FBXO8: variants seen among roughly 807,000 people sequenced by gnomAD.
FBXO8 encodes the protein F-box protein 8.
A neutral mutation model predicts 33.4 loss-of-function variants in FBXO8; 15 were observed. The observed-to-expected ratio is 0.45, with a 90% CI of 0.30 to 0.69. FBXO8 has a LOEUF of 0.69. FBXO8 is among the 30% of genes least tolerant of loss of function. The pLI, the probability that FBXO8 is intolerant of heterozygous loss-of-function variation, is 0.08. For missense variants in FBXO8, 274 were observed against 380.3 expected, an observed-to-expected ratio of 0.72 and a Z score of 2.32; for synonymous variants, 132 against 131.5, an observed-to-expected ratio of 1.00 and a Z score of -0.02.
At chr4:174,280,432 T>TA (rs971254645) in intron 1 of FBXO8, among the ~76,000 whole-genome samples, 1 of 151,538 alleles carries the variant, frequency 6.6e-6, no homozygotes, top group Non-Finnish European at 1.5e-5. Context: ...TGGAGCTTCC[T>TA]AAAAAAAAAT....
rs894471616 is a variant in FBXO8 at position 174,274,986 on chromosome 4, T to G, written c.-9+8424A>C. Among the ~76,000 whole-genome samples, 2 of 152,182 alleles carry G rather than the reference T, an allele frequency of 1.3e-5. No individual in the cohort carries two copies. The highest frequency in any genetic ancestry group is 1.3e-4 in the Admixed American group (2 of 15,292). On this transcript the variant is annotated intron_variant, in intron 1 of 5. Coordinates refer to ENST00000393674, the MANE Select transcript of FBXO8 (RefSeq NM_012180.3). The surrounding 1 kb of genome is among the most constrained non-coding windows in gnomAD (Gnocchi z 4.0). ...ATAAAAAATTTTTGCTCTTTGAAAGTCTATATTTGGAAGATGAAAGGAAAG... is the reference window on the plus strand; with the variant it reads ...ATAAAAAATTTTTGCTCTTTGAAAGGCTATATTTGGAAGATGAAAGGAAAG...
At chr4:174,268,485 T>C (rs138747483) in intron 1 of FBXO8, among the ~76,000 whole-genome samples, 1,919 of 152,246 alleles carry the variant, frequency 0.013, 20 homozygotes, top group Middle Eastern at 0.044. Context: ...CAAGCTGGAG[T>C]GCAGTGGCGC....
chr4:174,260,092 C>T (rs936696376), intron 2 of FBXO8, among the ~76,000 whole-genome samples: 1 of 151,944 alleles, frequency 6.6e-6, no homozygotes, highest in African/African-American at 2.4e-5. Flanking sequence ...TAAACATAAA[C>T]TATTCCTAAT....
At position 174,255,044 on chromosome 4, in the gene FBXO8, CA is replaced by C. The variant is rs1283904873; in HGVS notation, c.456+4654del. Among the ~76,000 whole-genome samples the C allele has an allele frequency of 6.6e-6, 1 of 152,062 alleles. No individual in the cohort carries two copies. Among genetic ancestry groups the C allele is most frequent in the Non-Finnish European group, 1.5e-5 (1 of 67,980 alleles). ...CTTGTTAGATAGTCACGATGTACAT[CA>C]AAGTATTAACGGCTTTGAAAAGTTA... On this transcript the variant is annotated intron_variant, in intron 3 of 5. Transcript: ENST00000393674. The surrounding 1 kb of genome is among the most constrained non-coding windows in gnomAD (Gnocchi z 4.3).
Position 174,257,745 on chromosome 4 carries a change from C to A in FBXO8, c.456+1954G>T, listed in dbSNP as rs922079556. Among the ~76,000 whole-genome samples, 3 of 152,040 alleles carry A rather than the reference C, an allele frequency of 2.0e-5. No individual in the cohort carries two copies. The highest frequency in any genetic ancestry group is 7.2e-5 in the African/African-American group (3 of 41,406). ...ACTCTTGACCTCTGGGGCTACATAT[C>A]TTTATTATGATTATGATTATTATCA... On this transcript the variant is annotated intron_variant, in intron 3 of 5. Transcript: ENST00000393674. This position sits in a 1 kb window ranked among gnomAD's most constrained non-coding sequence, Gnocchi z 4.3.
chr4:174,240,278 G>A (rs1481590861), intron 4 of FBXO8, among the ~76,000 whole-genome samples: 3 of 151,638 alleles, frequency 2.0e-5, no homozygotes, highest in East Asian at 3.9e-4. Flanking sequence ...GCTGGACTCT[G>A]AACTTCTCAA....
In FBXO8 at chr4:174,272,311, A is replaced by G. The variant is rs1736855785; in HGVS notation, c.-8-9211T>C. The stretch of plus-strand genomic sequence containing the variant: ...CCTTGTATAAAATGGCATAGTATAC[A>G]TCCTCCTGTATACTTTAAATCATCT... On this transcript the variant is annotated intron_variant, in intron 1 of 5. Coordinates refer to ENST00000393674, the MANE Select transcript of FBXO8 (RefSeq NM_012180.3). The surrounding 1 kb of genome is among the most constrained non-coding windows in gnomAD (Gnocchi z 4.7). 6.6e-6 allele frequency among the ~76,000 whole-genome samples: 1 copy of G among 152,248 alleles called. No individual in the cohort carries two copies. The highest frequency in any genetic ancestry group is 1.5e-5 in the Non-Finnish European group (1 of 68,046).
chr4:174,238,286 G>T (rs1221068268), intron 5 of FBXO8, among the ~76,000 whole-genome samples: 1 of 151,856 alleles, frequency 6.6e-6, no homozygotes, highest in Non-Finnish European at 1.5e-5. Flanking sequence ...TATTAAAATA[G>T]TAACAATCGT....
rs764893668 is a variant in FBXO8 at position 174,261,866 on chromosome 4, T to C, written c.329+898A>G. On this transcript the variant is annotated intron_variant, in intron 2 of 5. Coordinates refer to ENST00000393674, the MANE Select transcript of FBXO8 (RefSeq NM_012180.3). The surrounding 1 kb of genome is among the most constrained non-coding windows in gnomAD (Gnocchi z 4.1). Reference sequence around the variant, plus strand: ...AATTATAGGAAGTCTTAAAAAGATATTTGTTTTTAGTTATAGTCTATATTT... The same window carrying C: ...AATTATAGGAAGTCTTAAAAAGATACTTGTTTTTAGTTATAGTCTATATTT... Among the ~76,000 whole-genome samples the C allele has an allele frequency of 5.5e-4, 83 of 152,192 alleles. 2 individuals are homozygous for C. The highest frequency in any genetic ancestry group is 1.8e-4 in the Non-Finnish European group (12 of 67,922).
rs1735970453 is a variant in FBXO8, at chr4:174,239,207, A to C, written c.576-17T>G. 1.3e-6 allele frequency: 2 copies of C among 1,485,068 alleles called. No individual in the cohort carries two copies. The highest frequency in any genetic ancestry group is 9.0e-7 in the Non-Finnish European group (1 of 1,111,184). The allele number at this position is 1,485,068 out of a possible 1,614,324, so 92.0% of individuals were successfully genotyped here. On this transcript the variant is annotated splice_polypyrimidine_tract_variant and intron_variant, in intron 4 of 5. Coordinates refer to ENST00000393674, the MANE Select transcript of FBXO8 (RefSeq NM_012180.3). ...ACATCTCTCCTACAGAAAGAAAAAAAGGCACAGCTTTGGTTAACTTTTCTT... is the reference window on the plus strand; with the variant it reads ...ACATCTCTCCTACAGAAAGAAAAAACGGCACAGCTTTGGTTAACTTTTCTT...
At position 174,270,570 on chromosome 4, in the gene FBXO8, A is replaced by G. The variant is rs1377893090; in HGVS notation, c.-8-7470T>C. 6.6e-6 allele frequency among the ~76,000 whole-genome samples: 1 copy of G among 151,858 alleles called. No homozygotes were observed. The highest frequency in any genetic ancestry group is 1.5e-5 in the Non-Finnish European group (1 of 67,990). On this transcript the variant is annotated intron_variant, in intron 1 of 5. Coordinates refer to ENST00000393674, the MANE Select transcript of FBXO8 (RefSeq NM_012180.3). This position sits in a 1 kb window ranked among gnomAD's most constrained non-coding sequence, Gnocchi z 4.6. ...TGGTATTACATAGCTTAAATTTAAT[A>G]TGCTAAACTTCAAGATCATTTTTAT... is the stretch of plus-strand genomic sequence containing the variant.
In FBXO8 at chr4:174,270,817, T is replaced by C. The variant is rs1224034153; in HGVS notation, c.-8-7717A>G. On this transcript the variant is annotated intron_variant, in intron 1 of 5. Coordinates refer to ENST00000393674, the MANE Select transcript of FBXO8 (RefSeq NM_012180.3). This position sits in a 1 kb window ranked among gnomAD's most constrained non-coding sequence, Gnocchi z 4.6. ...TTTTAGTAGAGACGGAGTTTCACCA[T>C]GTTGGCCAGGATGGTCTACGAACTC... Among the ~76,000 whole-genome samples the C allele has an allele frequency of 2.0e-5, 3 of 152,136 alleles. No individual in the cohort carries two copies. The highest frequency in any genetic ancestry group is 2.1e-4 in the South Asian group (1 of 4,834).
chr4:174,240,336 G>C (rs1374815907), intron 4 of FBXO8, among the ~76,000 whole-genome samples: 1 of 151,686 alleles, frequency 6.6e-6, no homozygotes, highest in Non-Finnish European at 1.5e-5. Flanking sequence ...CTCTAGCAAA[G>C]TTTCTGGAAT....
chr4:174,240,434 ATACAT>A (rs1031355062), intron 4 of FBXO8, among the ~76,000 whole-genome samples: 5 of 151,796 alleles, frequency 3.3e-5, no homozygotes, highest in Non-Finnish European at 7.4e-5. Context: ...TTTTTAAGCC[ATACAT>A]TACATTAGCA....
At chr4:174,250,782 A>G (rs1246674939) in intron 3 of FBXO8, among the ~76,000 whole-genome samples, 2 of 152,142 alleles carry the variant, frequency 1.3e-5, no homozygotes, top group African/African-American at 4.8e-5. Context: ...GGTTTCTGAC[A>G]CAATACTCAT....
intron 3 of FBXO8, among the ~76,000 whole-genome samples, chr4:174,248,371 A>G (rs901757720): frequency 6.6e-6 from 1 of 152,106 alleles, no homozygotes; most frequent in South Asian, 2.1e-4. Flanking sequence ...TTATAAGAGT[A>G]CTAAGTTTTC....
chr4:174,259,095 A>G lies in FBXO8; in HGVS notation c.456+604T>C, dbSNP rs72702237. Among the ~76,000 whole-genome samples the G allele has an allele frequency of 0.019, 2,853 of 152,102 alleles. 43 individuals are homozygous for G. Among genetic ancestry groups the G allele is most frequent in the Non-Finnish European group, 0.028 (1,868 of 67,904 alleles). ...ACATAGTAAAATAAGAATAGAGAAAAAAAAAATCAGTGAAAAAGTTGTTTT... is the reference window on the plus strand; with the variant it reads ...ACATAGTAAAATAAGAATAGAGAAAGAAAAAATCAGTGAAAAAGTTGTTTT... On this transcript the variant is annotated intron_variant, in intron 3 of 5. Transcript: ENST00000393674. This position sits in a 1 kb window ranked among gnomAD's most constrained non-coding sequence, Gnocchi z 4.3.
intron 5 of FBXO8, among the ~76,000 whole-genome samples, chr4:174,238,001 A>C (rs2126410319): frequency 6.6e-6 from 1 of 152,164 alleles, no homozygotes; most frequent in South Asian, 2.1e-4. Flanking sequence ...ATTTGTATTT[A>C]TCTCCTCTTT....
rs1387926293 is a variant in FBXO8, at chr4:174,256,871, T to C, written c.456+2828A>G. Among the ~76,000 whole-genome samples, 2 of 151,894 alleles carry C rather than the reference T, an allele frequency of 1.3e-5. No homozygotes were observed. The highest frequency in any genetic ancestry group is 2.9e-5 in the Non-Finnish European group (2 of 67,992). On this transcript the variant is annotated intron_variant, in intron 3 of 5. Transcript: ENST00000393674. This position sits in a 1 kb window ranked among gnomAD's most constrained non-coding sequence, Gnocchi z 4.6. ...GGCCCTTTTAGAATGATAAATTCAG[T>C]GCCTCTGGAATGTTCCAGAGTATCT...
Sources: gnomAD v4.1 joint callset for allele counts (sites outside exome capture counted in the v4.1 genomes callset) on GRCh38, gnomAD v4.1.1 for gene constraint, Gnocchi (gnomAD v3.1) non-coding constraint, MANE v1.5 for transcripts, NCBI Gene and HGNC (gene_info 2026-07-23, HGNC 2026-07-21) for gene names.